The following DPF3 variants were observed in gnomAD, a reference collection of about 807,000 sequenced individuals.
DPF3 encodes the protein zinc finger protein DPF3.
DPF3 carries 18 observed loss-of-function variants against 56.8 expected under a neutral mutation model. That is an observed-to-expected ratio of 0.32 (90% CI 0.22 to 0.47). The LOEUF is 0.47. Among genes scored for constraint, DPF3 ranks in the 20% least tolerant of loss-of-function variants. The pLI is 1.00. For synonymous variants in DPF3, 188 were observed against 180.2 expected, an observed-to-expected ratio of 1.04 and a Z score of -0.35; for missense variants, 403 against 488.8, an observed-to-expected ratio of 0.82 and a Z score of 1.65.
chr14:72,619,353 G>A lies in DPF3; in HGVS notation c.1081C>T (p.His361Tyr). The change falls in exon 11 of 11, where the codon CAC becomes TAC. Residue 361 changes from histidine (H) to tyrosine (Y), a missense_variant. Around this residue, in one of 2 missense-constraint regions of DPF3, gnomAD observed 63 missense variants for 114.4 expected, o/e 0.55. Coordinates refer to ENST00000556509, the MANE Select transcript of DPF3 (RefSeq NM_001280542.3). ...AEPPEGSWSCHLCWELLKEKA... is the reference protein window; with the variant it reads ...AEPPEGSWSCYLCWELLKEKA... ...TCTTTGAGCAGTTCCCAGCATAAGT[G>A]GCAGCTCCAGCTTCCTGCAAGAAAT... 6.5e-7 allele frequency: 1 copy of A among 1,536,128 alleles called. No individual in the cohort carries two copies. The highest frequency in any genetic ancestry group is 8.7e-7 in the Non-Finnish European group (1 of 1,146,916).
At chr14:72,758,167 C>T (rs1464612734) in intron 2 of DPF3, among the ~76,000 whole-genome samples, 3 of 152,064 alleles carry the variant, frequency 2.0e-5, no homozygotes, top group Non-Finnish European at 4.4e-5. Flanking sequence ...AAGCATACAT[C>T]CGTTTCTGAC....
chr14:72,727,739 T>A (rs899773656), intron 4 of DPF3, among the ~76,000 whole-genome samples: 1 of 152,180 alleles, frequency 6.6e-6, no homozygotes, highest in Non-Finnish European at 1.5e-5. Flanking sequence ...AGAGGATAGG[T>A]ATCTCTTGGT....
chr14:72,639,770 T>C (rs1214221180), intron 8 of DPF3, among the ~76,000 whole-genome samples: 1 of 152,118 alleles, frequency 6.6e-6, no homozygotes, highest in South Asian at 2.1e-4. Flanking sequence ...AAAACACACA[T>C]AGATTCCTGA....
At chr14:72,750,030 G>A (rs1890501439) in intron 3 of DPF3, among the ~76,000 whole-genome samples, 1 of 152,102 alleles carries the variant, frequency 6.6e-6, no homozygotes. Context: ...AAGATAGTTT[G>A]ACTTGAGCTT....
intron 8 of DPF3, among the ~76,000 whole-genome samples, chr14:72,648,109 C>CAGCT (rs1468914262): frequency 6.6e-6 from 1 of 152,218 alleles, no homozygotes; most frequent in Non-Finnish European, 1.5e-5. Flanking sequence ...CTGTGCTGAG[C>CAGCT]AGTCGTGGTT....
chr14:72,890,112 AGAGT>A (rs1242039275), intron 1 of DPF3, among the ~76,000 whole-genome samples: 13 of 152,234 alleles, frequency 8.5e-5, no homozygotes, highest in African/African-American at 2.9e-4. Context: ...TGATAATACA[AGAGT>A]AAGTTGTTTA....
chr14:72,868,165 G>A (rs1457269094), intron 1 of DPF3, among the ~76,000 whole-genome samples: 2 of 152,150 alleles, frequency 1.3e-5, no homozygotes, highest in African/African-American at 2.4e-5. Context: ...AACATCGTAA[G>A]ATTCAATGCC....
rs1883806231 is a variant in DPF3 at position 72,612,631 on chromosome 14, T to C, written c.*6666A>G. 2 of 518,426 alleles carry C rather than the reference T, an allele frequency of 3.9e-6. No homozygotes were observed. Among genetic ancestry groups the C allele is most frequent in the Non-Finnish European group, 7.7e-6 (2 of 259,720 alleles). The allele number at this position is 518,426 out of a possible 1,614,324, so 32.1% of individuals were successfully genotyped here. A position where few individuals can be genotyped will look rare whatever the true frequency, so the allele number is the denominator to read the frequency against. ...GGCAGGAGGAGAATCAGGGTCTCAG[T>C]GGGGAGTAGACATGGAAGGGCAAAC... On this transcript the variant is annotated 3_prime_UTR_variant, in exon 11 of 11. Transcript: ENST00000556509.
At chr14:72,693,841 T>A (rs181679110) in intron 6 of DPF3, among the ~76,000 whole-genome samples, 203 of 152,332 alleles carry the variant, frequency 1.3e-3, no homozygotes, top group African/African-American at 4.7e-3. Context: ...AAAAGTTTTA[T>A]CTGGATAATC....
chr14:72,764,129 G>A (rs1891167574), intron 2 of DPF3, among the ~76,000 whole-genome samples: 1 of 152,074 alleles, frequency 6.6e-6, no homozygotes, highest in South Asian at 2.1e-4. Flanking sequence ...AAACAGCGGA[G>A]CCAACCACAA....
chr14:72,787,028 G>A (rs1029876333), intron 1 of DPF3, among the ~76,000 whole-genome samples: 14 of 152,186 alleles, frequency 9.2e-5, no homozygotes, highest in African/African-American at 3.4e-4. Flanking sequence ...TCTCCAGAGC[G>A]GACTCAGAGA....
chr14:72,844,937 T>G lies in DPF3; in HGVS notation c.32+49120A>C, dbSNP rs535357477. Among the ~76,000 whole-genome samples the G allele has an allele frequency of 1.8e-4, 27 of 152,230 alleles. 1 individual carries two copies. The Middle Eastern group carries it at 0.021, about 116-fold the overall frequency. ...GAGTTCAAGACCAGCCTGGGCAACA[T>G]AGTGAGTCCCTGACTCTACAACAAA... is the stretch of plus-strand genomic sequence containing the variant. On this transcript the variant is annotated intron_variant, in intron 1 of 10. Transcript: ENST00000556509.
At chr14:72,805,554 G>C (rs1467759539) in intron 1 of DPF3, among the ~76,000 whole-genome samples, 2 of 150,168 alleles carry the variant, frequency 1.3e-5, no homozygotes, top group African/African-American at 4.9e-5. Flanking sequence ...CAGGGTCAGA[G>C]CAAGAGTATG....
At chr14:72,716,041 T>C (rs912392874) in intron 5 of DPF3, among the ~76,000 whole-genome samples, 6 of 151,818 alleles carry the variant, frequency 4.0e-5, no homozygotes, top group Admixed American at 3.9e-4. Context: ...CAGGGACAGC[T>C]TGACATGTAG....
chr14:72,860,310 G>A (rs1310626555), intron 1 of DPF3, among the ~76,000 whole-genome samples: 2 of 151,758 alleles, frequency 1.3e-5, no homozygotes, highest in African/African-American at 4.8e-5. Flanking sequence ...AGCCTCCCAA[G>A]TAGCTAGGAC....
chr14:72,890,947 G>A (rs1444800934), intron 1 of DPF3, among the ~76,000 whole-genome samples: 3 of 152,086 alleles, frequency 2.0e-5, no homozygotes, highest in Admixed American at 1.3e-4. Context: ...AGGGGGTGAA[G>A]GGTACAACAA....
chr14:72,773,898 A>T, intron 1 of DPF3: 1 of 455,678 alleles, frequency 2.2e-6, no homozygotes, highest in Non-Finnish European at 4.4e-6. Flanking sequence ...TTGCTTATCC[A>T]TTCATCTGTC....
At chr14:72,718,409 T>G (rs1352903103) in intron 5 of DPF3, among the ~76,000 whole-genome samples, 1 of 152,200 alleles carries the variant, frequency 6.6e-6, no homozygotes, top group Admixed American at 6.5e-5. Context: ...TTTCAGGGAC[T>G]CTGCAGTGTC....
intron 2 of DPF3, among the ~76,000 whole-genome samples, chr14:72,768,660 A>C (rs971248940): frequency 2.0e-5 from 3 of 152,166 alleles, no homozygotes; most frequent in Non-Finnish European, 4.4e-5. Context: ...ATAAAGAAGA[A>C]ATTATATGAA....
Sources: gnomAD v4.1 joint callset for allele counts (sites outside exome capture counted in the v4.1 genomes callset) on GRCh38, gnomAD v4.1.1 for gene constraint, gnomAD v4.1.1 regional missense constraint, MANE v1.5 for transcripts, NCBI Gene and HGNC (gene_info 2026-07-23, HGNC 2026-07-21) for gene names.